THAP9: variants seen among roughly 807,000 people sequenced by gnomAD.
THAP9 encodes the protein DNA transposase THAP9.
In THAP9, 20 loss-of-function variants were observed where a neutral mutation model predicts 35.7. The observed-to-expected ratio is 0.56, with a 90% confidence interval of 0.39 to 0.81. THAP9 has a LOEUF of 0.81. Among genes scored for constraint, THAP9 ranks in the 40% least tolerant of loss-of-function variants. The probability of loss-of-function intolerance (pLI) is 0.00; values close to 1 mark genes in which losing one functional copy is unlikely to be tolerated. For synonymous variants in THAP9, 335 were observed against 373.7 expected, an observed-to-expected ratio of 0.90 and a Z score of 1.19; for missense variants, 870 against 1,047.4, an observed-to-expected ratio of 0.83 and a Z score of 2.34.
intron 1 of THAP9, among the ~76,000 whole-genome samples, chr4:82,902,317 C>G (rs187759982): frequency 6.6e-6 from 1 of 151,080 alleles, no homozygotes; most frequent in Non-Finnish European, 1.5e-5. Flanking sequence ...AGGTTGGTCT[C>G]CAACTTCTTG....
intron 3 of THAP9, 65 bp downstream of exon 3, chr4:82,906,692 A>G (rs1720663055): frequency 1.4e-6 from 2 of 1,445,878 alleles, no homozygotes; most frequent in Non-Finnish European, 9.2e-7. Flanking sequence ...ACCATTAAGT[A>G]TTTATTTTGT....
intron 4 of THAP9, among the ~76,000 whole-genome samples, chr4:82,909,047 C>T (rs757652744): frequency 6.6e-6 from 1 of 152,018 alleles, no homozygotes; most frequent in Non-Finnish European, 1.5e-5. Context: ...GCTGGGATTA[C>T]AGGTGTCCAC....
Position 82,906,544 on chromosome 4 carries a change from A to G in THAP9, c.497A>G (p.Lys166Arg), listed in dbSNP as rs1201576357. 10 of 1,613,764 alleles carry G rather than the reference A, an allele frequency of 6.2e-6. No homozygotes were observed. The highest frequency in any genetic ancestry group is 2.2e-5 in the East Asian group (1 of 44,846). ...AACTACAGGATGATCAAGAAGAGAA[A>G]GGGTTTACGATTAATTGATGCACTT... ...VKNYRMIKKRKGLRLIDALVE... is the reference protein window; with the variant it reads ...VKNYRMIKKRRGLRLIDALVE... The change falls in exon 3 of 5, where the codon AAG becomes AGG. Residue 166 changes from lysine (K) to arginine (R), a missense_variant. This residue lies in a region of THAP9 where 440 missense variants were observed against 501.2 expected (regional missense o/e 0.88). Coordinates refer to ENST00000302236, the MANE Select transcript of THAP9 (RefSeq NM_024672.6).
At chr4:82,900,936 C>CCGTGG (rs374733464) in intron 1 of THAP9, 54 bp downstream of exon 1, 47 of 1,601,004 alleles carry the variant, frequency 2.9e-5, no homozygotes, top group African/African-American at 2.0e-4. Flanking sequence ...GCCCGGCGGG[C>CCGTGG]CGTGGCGTGG....
chr4:82,907,722 C>CTAT, intron 3 of THAP9, 63 bp from the exon 4 acceptor site: 1 of 1,245,102 alleles, frequency 8.0e-7, no homozygotes, highest in Non-Finnish European at 1.1e-6. Flanking sequence ...TATCCAAATG[C>CTAT]TATAATCTGT....
In THAP9 at chr4:82,917,395, A is replaced by G. The variant is rs772273507; in HGVS notation, c.1183A>G (p.Met395Val). The G allele has an allele frequency of 3.1e-6, 5 of 1,613,874 alleles. No individual in the cohort carries two copies. The highest frequency in any genetic ancestry group is 3.4e-6 in the Non-Finnish European group (4 of 1,179,864). Residue 395 changes from methionine (M) to valine (V), a missense_variant, in exon 5 of 5, where the codon ATG becomes GTG. Transcript: ENST00000302236. Reference protein sequence around the residue: ...ALGIHIDGDDMKCTFQHPSSS... With the variant: ...ALGIHIDGDDVKCTFQHPSSS... ...GGGGATACATATTGATGGAGACGAC[A>G]TGAAATGTACATTTCAGCATCCTTC...
At position 82,914,808 on chromosome 4, in the gene THAP9, TACCTTAATTAGATCCC is replaced by T. The variant is rs576293823; in HGVS notation, c.732-2131_732-2116del. Among the ~76,000 whole-genome samples the T allele has an allele frequency of 9.2e-5, 14 of 152,344 alleles. No individual in the cohort carries two copies. The East Asian group carries it at 2.7e-3, about 29-fold the overall frequency. The stretch of plus-strand genomic sequence containing the variant: ...TTTCTTTTGCTGTGCAGAAGCTCTT[TACCTTAATTAGATCCC>T]ACCTGTCAATTTTTGCTTCTGTTAT... On this transcript the variant is annotated intron_variant, in intron 4 of 4. Transcript: ENST00000302236.
intron 1 of THAP9, among the ~76,000 whole-genome samples, chr4:82,901,396 T>C (rs913865099): frequency 6.6e-6 from 1 of 152,140 alleles, no homozygotes; most frequent in South Asian, 2.1e-4. Flanking sequence ...TTCAGATCAG[T>C]CTTATCTGAA....
rs565588613 is a variant in THAP9 at position 82,916,126 on chromosome 4, G to A, written c.732-818G>A. ...GAAATTTAACTTAACAGACATTTGA[G>A]TTACAAAAGTATATGTTACAGGTGA... On this transcript the variant is annotated intron_variant, in intron 4 of 4. Coordinates refer to ENST00000302236, the MANE Select transcript of THAP9 (RefSeq NM_024672.6). 2.0e-5 allele frequency among the ~76,000 whole-genome samples: 3 copies of A among 152,284 alleles called. No homozygotes were observed. The East Asian group carries it at 5.8e-4, about 29-fold the overall frequency.
chr4:82,916,115 C>T (rs369812424), intron 4 of THAP9, among the ~76,000 whole-genome samples: 64 of 151,998 alleles, frequency 4.2e-4, no homozygotes, highest in African/African-American at 1.1e-3. Context: ...TTTAACTTAA[C>T]AGACATTTGA....
intron 4 of THAP9, among the ~76,000 whole-genome samples, chr4:82,908,446 T>A (rs1456189371): frequency 6.6e-6 from 1 of 152,258 alleles, no homozygotes; most frequent in East Asian, 1.9e-4. Context: ...CAGATTTTGA[T>A]AAATAATTTT....
chr4:82,918,543 A>C lies in THAP9; in HGVS notation c.2331A>C (p.Arg777=). 1 of 1,614,158 alleles carries C rather than the reference A, an allele frequency of 6.2e-7. No individual in the cohort carries two copies. Among genetic ancestry groups the C allele is most frequent in the Non-Finnish European group, 8.5e-7 (1 of 1,179,988 alleles). ...GTCGGGTCATAAATATTTGTGAGCG[A>C]GTTGTAAGAACCCATTCAAGAATGG... is the stretch of plus-strand genomic sequence containing the variant. ...SLCRVINICE[R]VVRTHSRMAI... is the part of the protein sequence containing the mutation. The change falls in exon 5 of 5, where the codon CGA becomes CGC. Residue 777 remains arginine, a synonymous_variant. Coordinates refer to ENST00000302236, the MANE Select transcript of THAP9 (RefSeq NM_024672.6).
At position 82,917,414 on chromosome 4, in the gene THAP9, AT is replaced by A; in HGVS notation, c.1203del (p.Pro402LeufsTer18). On this transcript the variant is annotated frameshift_variant, in exon 5 of 5. Transcript: ENST00000302236. LOFTEE classifies it high-confidence loss of function. Reference sequence around the variant, plus strand: ...GACGACATGAAATGTACATTTCAGCATCCTTCATCTTCTAGTCAACAGATTG... The same window carrying A: ...GACGACATGAAATGTACATTTCAGCACCTTCATCTTCTAGTCAACAGATTG... ...DGDDMKCTFQ[H>X]PSSSSQQIAY... 1 of 1,614,010 alleles carries A rather than the reference AT, an allele frequency of 6.2e-7. No homozygotes were observed. The highest frequency in any genetic ancestry group is 8.5e-7 in the Non-Finnish European group (1 of 1,179,954).
Position 82,904,923 on chromosome 4 carries a change from C to T in THAP9, c.268C>T (p.Leu90=). The T allele has an allele frequency of 5.0e-6, 8 of 1,613,884 alleles. No individual in the cohort carries two copies. Among genetic ancestry groups the T allele is most frequent in the Non-Finnish European group, 6.8e-6 (8 of 1,179,942 alleles). Residue 90 remains leucine, a synonymous_variant, in exon 2 of 5, where the codon CTA becomes TTA. Coordinates refer to ENST00000302236, the MANE Select transcript of THAP9 (RefSeq NM_024672.6). The part of the protein sequence containing the change: ...LKKGAVPSVS[L]YKIPQGVHLK... ...AAAAGGAGCTGTGCCTTCTGTTTCTCTATACAAGGTATTTAAATGTAGGTG... is the reference window on the plus strand; with the variant it reads ...AAAAGGAGCTGTGCCTTCTGTTTCTTTATACAAGGTATTTAAATGTAGGTG...
At chr4:82,910,682 A>C (rs1352592640) in intron 4 of THAP9, 1 of 566,520 alleles carries the variant, frequency 1.8e-6, no homozygotes, top group Non-Finnish European at 2.9e-6. Context: ...TATTCAATAA[A>C]TATTTATTGA....
At chr4:82,906,736 G>C in intron 3 of THAP9, 109 bp downstream of exon 3, 3 of 1,096,158 alleles carry the variant, frequency 2.7e-6, no homozygotes, top group Non-Finnish European at 3.8e-6. Flanking sequence ...CAGTTGGGAA[G>C]TGAAAGTCTC....
At chr4:82,913,018 T>C (rs1720917397) in intron 4 of THAP9, among the ~76,000 whole-genome samples, 1 of 152,204 alleles carries the variant, frequency 6.6e-6, no homozygotes, top group South Asian at 2.1e-4. Flanking sequence ...ACATTAACAG[T>C]AACTTTTACT....
chr4:82,914,491 T>A (rs1336589580), intron 4 of THAP9, among the ~76,000 whole-genome samples: 1 of 152,234 alleles, frequency 6.6e-6, no homozygotes, highest in Non-Finnish European at 1.5e-5. Context: ...CATCTATTAT[T>A]TGTTGACTTT....
In THAP9 at chr4:82,917,429, G is replaced by A; in HGVS notation, c.1217G>A (p.Ser406Asn). 1 of 1,613,992 alleles carries A rather than the reference G, an allele frequency of 6.2e-7. No individual in the cohort carries two copies. The highest frequency in any genetic ancestry group is 8.5e-7 in the Non-Finnish European group (1 of 1,179,954). Residue 406 changes from serine (S) to asparagine (N), a missense_variant, in exon 5 of 5, where the codon AGT becomes AAT. Ser to Asn is a conservative substitution (Grantham distance 46, BLOSUM62 1). Coordinates refer to ENST00000302236, the MANE Select transcript of THAP9 (RefSeq NM_024672.6). ...ACATTTCAGCATCCTTCATCTTCTA[G>A]TCAACAGATTGCATACTTCTTTGAC... ...KCTFQHPSSS[S>N]QQIAYFFDSC...
Sources: allele counts gnomAD v4.1 joint callset (sites outside exome capture counted in the v4.1 genomes callset), GRCh38; gene constraint gnomAD v4.1.1; regional missense constraint gnomAD v4.1.1; transcripts MANE v1.5; gene names NCBI Gene and HGNC (gene_info 2026-07-23, HGNC 2026-07-21).